The following EPS15L1 variants were observed in gnomAD, a reference collection of about 807,000 sequenced individuals.
EPS15L1 encodes epidermal growth factor receptor pathway substrate 15 like 1.
EPS15L1 carries 43 observed loss-of-function variants against 117.1 expected under a neutral mutation model. The ratio of observed to expected loss-of-function variants is 0.37; its 90% CI spans 0.29 to 0.47. The LOEUF is 0.47. EPS15L1 is among the 20% of genes least tolerant of loss of function. The pLI, the probability that EPS15L1 is intolerant of heterozygous loss-of-function variation, is 0.99. For synonymous variants in EPS15L1, 459 were observed against 470.5 expected (o/e 0.98, Z 0.32); for missense variants, 981 against 1,164.0 (o/e 0.84, Z 2.29).
intron 9 of EPS15L1, 127 bp from the exon 10 acceptor site, chr19:16,421,603 T>C (rs530239785): frequency 1.1e-5 from 11 of 1,002,662 alleles, no homozygotes; most frequent in African/African-American, 1.6e-5. Flanking sequence ...CTCACTTCCA[T>C]GAGCCAAGAG....
chr19:16,369,359 G>T (rs970883854), intron 22 of EPS15L1, among the ~76,000 whole-genome samples: 6 of 152,176 alleles, frequency 3.9e-5, no homozygotes, highest in Non-Finnish European at 7.3e-5. Flanking sequence ...GCATTGAAGG[G>T]AACAGGATGA....
intron 22 of EPS15L1, among the ~76,000 whole-genome samples, chr19:16,363,604 C>T (rs931463168): frequency 4.6e-5 from 7 of 152,216 alleles, no homozygotes; most frequent in South Asian, 2.1e-4. Context: ...CTCTGGGCCT[C>T]GGCAAGGGAA....
chr19:16,389,804 A>C (rs1324205824), intron 19 of EPS15L1, among the ~76,000 whole-genome samples: 1 of 152,212 alleles, frequency 6.6e-6, no homozygotes, highest in Non-Finnish European at 1.5e-5. Context: ...TTTACATGAG[A>C]TAATACAATA....
chr19:16,398,581 A>G (rs1017688524), intron 16 of EPS15L1, among the ~76,000 whole-genome samples: 4 of 152,246 alleles, frequency 2.6e-5, no homozygotes, highest in African/African-American at 9.6e-5. Context: ...CAGAAGAAAG[A>G]GAGGAATCAT....
intron 7 of EPS15L1, among the ~76,000 whole-genome samples, chr19:16,429,578 C>A (rs578125935): frequency 6.0e-4 from 91 of 152,352 alleles, no homozygotes; most frequent in African/African-American, 2.1e-3. Context: ...CCAGCCCACA[C>A]AGCCAAGAGC....
chr19:16,400,788 G>A (rs2144818553), intron 16 of EPS15L1: 2 of 985,392 alleles, frequency 2.0e-6, no homozygotes, highest in South Asian at 9.4e-5. Flanking sequence ...AAAATAACCA[G>A]AAAGGTAAAA....
chr19:16,367,321 A>G (rs2092147156), intron 22 of EPS15L1, among the ~76,000 whole-genome samples: 1 of 151,806 alleles, frequency 6.6e-6, no homozygotes, highest in Non-Finnish European at 1.5e-5. Flanking sequence ...TGCCTACCGC[A>G]GGGAGACTTC....
chr19:16,427,584 A>G (rs781139665), intron 8 of EPS15L1, among the ~76,000 whole-genome samples: 1 of 152,178 alleles, frequency 6.6e-6, no homozygotes, highest in Non-Finnish European at 1.5e-5. Flanking sequence ...ATGTCAAGAC[A>G]AACACTTAAA....
intron 13 of EPS15L1, chr19:16,412,718 G>A (rs1165993592): frequency 1.3e-4 from 17 of 127,680 alleles, no homozygotes; most frequent in Middle Eastern, 5.4e-3. Flanking sequence ...GGGGGTGGGG[G>A]GGGGGGGGGT....
At chr19:16,420,148 CT>C (rs2092800062) in intron 10 of EPS15L1, among the ~76,000 whole-genome samples, 1 of 152,218 alleles carries the variant, frequency 6.6e-6, no homozygotes, top group Admixed American at 6.5e-5. Flanking sequence ...GACTTCTTTT[CT>C]CATGGTTATT....
chr19:16,430,134 G>C (rs1303483156), intron 7 of EPS15L1, among the ~76,000 whole-genome samples: 1 of 152,178 alleles, frequency 6.6e-6, no homozygotes, highest in Admixed American at 6.5e-5. Context: ...ACTTCTACCA[G>C]AGTCCCCCTC....
At chr19:16,400,980 G>C in intron 16 of EPS15L1, 3 of 985,420 alleles carry the variant, frequency 3.0e-6, no homozygotes, top group Non-Finnish European at 3.6e-6. Context: ...TGCCAGATGG[G>C]GAAAGTAGGA....
rs112490789 is a variant in EPS15L1, at chr19:16,371,762, T to TA, written c.2380+5359dup. 0.19 allele frequency among the ~76,000 whole-genome samples: 28,990 copies of TA among 150,634 alleles called. 2,850 individuals are homozygous for TA. The highest frequency in any genetic ancestry group is 0.23 in the African/African-American group (9,547 of 41,100). ...CACCCACACAGCCGTTTCCTGCACT[T>TA]AAAAAAAAAATCTGTTTCTCTCTTT... On this transcript the variant is annotated intron_variant, in intron 22 of 23. Coordinates refer to ENST00000455140, the MANE Select transcript of EPS15L1 (RefSeq NM_001258374.3). The surrounding 1 kb of genome is among the most constrained non-coding windows in gnomAD (Gnocchi z 4.7).
At position 16,402,490 on chromosome 19, in the gene EPS15L1, G is replaced by T; in HGVS notation, c.1627-5C>A. On this transcript the variant is annotated splice_polypyrimidine_tract_variant and splice_region_variant and intron_variant, in intron 15 of 23. Coordinates refer to ENST00000455140, the MANE Select transcript of EPS15L1 (RefSeq NM_001258374.3). ...CTGGGAAAGTTTGCTCCTTGCCTGT[G>T]CAACAAAGACATCATCAGCATTAAG... 1 of 1,586,182 alleles carries T rather than the reference G, an allele frequency of 6.3e-7. No homozygotes were observed.
At chr19:16,364,482 G>T (rs952638157) in intron 22 of EPS15L1, among the ~76,000 whole-genome samples, 6 of 152,140 alleles carry the variant, frequency 3.9e-5, no homozygotes, top group African/African-American at 1.4e-4. Flanking sequence ...CGACCTCCCC[G>T]GGGCTGCAGA....
intron 9 of EPS15L1, among the ~76,000 whole-genome samples, 167 bp from the exon 10 acceptor site, chr19:16,421,643 C>A (rs1050935630): frequency 3.3e-5 from 5 of 152,154 alleles, no homozygotes; most frequent in Non-Finnish European, 1.5e-5. Context: ...CTGTAACTGG[C>A]AAAACTGAGG....
chr19:16,465,281 T>G lies in EPS15L1; in HGVS notation c.33+6632A>C, dbSNP rs542190651. 1.0e-3 allele frequency among the ~76,000 whole-genome samples: 159 copies of G among 152,226 alleles called. 1 individual carries two copies. Among genetic ancestry groups the G allele is most frequent in the African/African-American group, 3.7e-3 (154 of 41,532 alleles). On this transcript the variant is annotated intron_variant, in intron 1 of 23. Coordinates refer to ENST00000455140, the MANE Select transcript of EPS15L1 (RefSeq NM_001258374.3). ...CCAGTCATCTGCCCCTCCTGCAGCT[T>G]GGACCACCCGTGACCTGAGCCTCTG... is the stretch of plus-strand genomic sequence containing the variant.
chr19:16,355,465 G>T lies in EPS15L1; in HGVS notation c.*240C>A, dbSNP rs1015338678. 1 of 484,520 alleles carries T rather than the reference G, an allele frequency of 2.1e-6. No individual in the cohort carries two copies. Among genetic ancestry groups the T allele is most frequent in the Non-Finnish European group, 3.6e-6 (1 of 274,340 alleles). The allele number at this position is 484,520 out of a possible 1,614,324, so 30.0% of individuals were successfully genotyped here. On this transcript the variant is annotated 3_prime_UTR_variant, in exon 24 of 24. Transcript: ENST00000455140. ...AAGAGCGGGAGGCAGTCAGCCCCGG[G>T]GGGGATGGCACAGTGGAGAGACGGA...
At chr19:16,386,325 T>A (rs184139470) in intron 19 of EPS15L1, 94 bp from the exon 20 acceptor site, 2 of 962,158 alleles carry the variant, frequency 2.1e-6, no homozygotes, top group African/African-American at 1.6e-5. Flanking sequence ...ATGTACAACA[T>A]CCAGTGCTGA....
Sources: allele counts gnomAD v4.1 joint callset (sites outside exome capture counted in the v4.1 genomes callset), GRCh38; gene constraint gnomAD v4.1.1; non-coding constraint Gnocchi (gnomAD v3.1); transcripts MANE v1.5; gene names NCBI Gene and HGNC (gene_info 2026-07-23, HGNC 2026-07-21).